RFNG: variants seen among roughly 807,000 people sequenced by gnomAD.
RFNG encodes the protein RFNG O-fucosylpeptide 3-beta-N-acetylglucosaminyltransferase.
RFNG carries 37 observed loss-of-function variants against 29.6 expected under a neutral mutation model. That is an observed-to-expected ratio of 1.25 (90% CI 0.96 to 1.65). The LOEUF is 1.65. Among genes scored for constraint, RFNG ranks in the 40% most tolerant of loss-of-function variants. The pLI is 0.00. For missense variants in RFNG, 546 were observed against 457.0 expected (o/e 1.19, Z -1.78); for synonymous variants, 276 against 197.3 (o/e 1.40, Z -3.34).
rs2144248107 is a variant in RFNG at position 82,051,542 on chromosome 17, C to T, written c.225G>A (p.Leu75=). ...AGATCCAGGTGCGCAGCAGCAGCCG[C>T]AGGCGCGGCCCGTGGTTCTTCCGGG... The part of the protein sequence containing the change: ...KTTRKNHGPR[L]RLLLRTWISR... Residue 75 remains leucine (L), a synonymous_variant, in exon 1 of 8, where the codon CTG becomes CTA. Coordinates refer to ENST00000310496, the MANE Select transcript of RFNG (RefSeq NM_002917.2). The surrounding 1 kb of genome is among the most constrained non-coding windows in gnomAD (Gnocchi z 4.1). 2.1e-6 allele frequency: 3 copies of T among 1,400,048 alleles called. No individual in the cohort carries two copies. Among genetic ancestry groups the T allele is most frequent in the Non-Finnish European group, 2.8e-6 (3 of 1,072,742 alleles). The allele number at this position is 1,400,048 out of a possible 1,614,324, so 86.7% of individuals were successfully genotyped here.
chr17:82,048,568 G>C lies in RFNG; in HGVS notation c.*158C>G. On this transcript the variant is annotated 3_prime_UTR_variant, in exon 8 of 8. Coordinates refer to ENST00000310496, the MANE Select transcript of RFNG (RefSeq NM_002917.2). ...CCATCACCGCAGCCCACCAGGGGCT[G>C]GGAGAGGGGGGGCTGCAGGCTAGCC... 1.5e-6 allele frequency: 1 copy of C among 648,908 alleles called. No homozygotes were observed. The highest frequency in any genetic ancestry group is 1.7e-5 in the South Asian group (1 of 58,420). The allele number at this position is 648,908 out of a possible 1,614,324, so 40.2% of individuals were successfully genotyped here. A position where few individuals can be genotyped will look rare whatever the true frequency, so the allele number is the denominator to read the frequency against.
At chr17:82,050,116 C>T in intron 4 of RFNG, 110 bp from the exon 5 acceptor site, 10 of 1,006,656 alleles carry the variant, frequency 9.9e-6, no homozygotes, top group South Asian at 1.5e-5. Flanking sequence ...AGATCCCACC[C>T]AGGTAACAGA....
At chr17:82,050,578 G>A in intron 3 of RFNG, 23 bp from the exon 4 acceptor site, 1 of 1,609,038 alleles carries the variant, frequency 6.2e-7, no homozygotes, top group Non-Finnish European at 8.5e-7. Flanking sequence ...GGAGTCCTGG[G>A]CACGAGGGCC....
chr17:82,050,045 G>C, intron 4 of RFNG, 39 bp from the exon 5 acceptor site: 3 of 1,528,012 alleles, frequency 2.0e-6, no homozygotes, highest in Non-Finnish European at 2.7e-6. Context: ...CCAGGACAGG[G>C]CTTCTCACCC....
intron 7 of RFNG, 73 bp from the exon 8 acceptor site, chr17:82,048,880 G>C: frequency 6.7e-7 from 1 of 1,485,958 alleles, no homozygotes. Context: ...TGGGCGGCGG[G>C]AGAACCTGGG....
Position 82,050,286 on chromosome 17 carries a change from G to C in RFNG, c.573+116C>G. 7 of 1,257,898 alleles carry C rather than the reference G, an allele frequency of 5.6e-6. No homozygotes were observed. In the South Asian group the frequency reaches 6.0e-5, roughly 11 times the overall value. The allele number at this position is 1,257,898 out of a possible 1,614,324, so 77.9% of individuals were successfully genotyped here. A position where few individuals can be genotyped will look rare whatever the true frequency, so the allele number is the denominator to read the frequency against. On this transcript the variant is annotated intron_variant, in intron 4 of 7. Coordinates refer to ENST00000310496, the MANE Select transcript of RFNG (RefSeq NM_002917.2). ...ACATGCAAACCACCTGGGTGGATCA[G>C]CTTGGGCCCCCAACCCTATGCCCTT...
At position 82,051,418 on chromosome 17, in the gene RFNG, C is replaced by G; in HGVS notation, c.268-76G>C. On this transcript the variant is annotated intron_variant, in intron 1 of 7. Transcript: ENST00000310496. The surrounding 1 kb of genome is among the most constrained non-coding windows in gnomAD (Gnocchi z 4.1). ...ACCGACCCGCCCCGCGCGGAGCCTC[C>G]GGGGGCCTGGGCCGGGCCTAGACCC... The G allele has an allele frequency of 1.4e-6, 2 of 1,391,016 alleles. No homozygotes were observed. Among genetic ancestry groups the G allele is most frequent in the Non-Finnish European group, 1.9e-6 (2 of 1,073,774 alleles). The allele number at this position is 1,391,016 out of a possible 1,614,324, so 86.2% of individuals were successfully genotyped here.
intron 4 of RFNG, 106 bp from the exon 5 acceptor site, chr17:82,050,112 C>A: frequency 9.7e-7 from 1 of 1,028,198 alleles, no homozygotes; most frequent in Non-Finnish European, 1.5e-6. Context: ...TAGGAGATCC[C>A]ACCCAGGTAA....
intron 6 of RFNG, 188 bp from the exon 7 acceptor site, chr17:82,049,304 G>T (rs759723628): frequency 1.4e-6 from 1 of 705,210 alleles, no homozygotes; most frequent in Non-Finnish European, 2.6e-6. Flanking sequence ...GGCAGAGCCT[G>T]GGGGACAGAA....
In RFNG at chr17:82,048,328, C is replaced by T. The variant is rs1407089805; in HGVS notation, c.*398G>A. 4.0e-6 allele frequency: 1 copy of T among 252,502 alleles called. No individual in the cohort carries two copies. Among genetic ancestry groups the T allele is most frequent in the East Asian group, 1.1e-4 (1 of 9,436 alleles). 15.6% of individuals were successfully genotyped at this position (252,502 alleles called of 1,614,324 possible). A position where few individuals can be genotyped will look rare whatever the true frequency, so the allele number is the denominator to read the frequency against. ...AGCCCTTGCAATGGCCGTGGCTGGGCCAGGACCTTGGCCTGGAGCCTGCTC... is the reference window on the plus strand; with the variant it reads ...AGCCCTTGCAATGGCCGTGGCTGGGTCAGGACCTTGGCCTGGAGCCTGCTC... On this transcript the variant is annotated 3_prime_UTR_variant, in exon 8 of 8. Coordinates refer to ENST00000310496, the MANE Select transcript of RFNG (RefSeq NM_002917.2).
At chr17:82,048,860 GC>G in intron 7 of RFNG, 53 bp from the exon 8 acceptor site, 1 of 1,542,760 alleles carries the variant, frequency 6.5e-7, no homozygotes, top group Non-Finnish European at 9.0e-7. Flanking sequence ...AGAAGCGGGG[GC>G]CAGGGCCGTG....
chr17:82,050,598 T>G (rs772803975), intron 3 of RFNG, 43 bp from the exon 4 acceptor site: 5 of 1,608,312 alleles, frequency 3.1e-6, no homozygotes, highest in Non-Finnish European at 4.3e-6. Context: ...CTGGCATGGC[T>G]GGACAGGAGG....
rs772647628 is a variant in RFNG, at chr17:82,049,956, G to A, written c.624C>T (p.Leu208=). The part of the protein sequence containing the change: ...WFATGGAGFC[L]SRGLALKMSP... Reference sequence around the variant, plus strand: ...TCATCTTGAGGGCAAGGCCTCTGCTGAGGCAGAACCCGGCCCCACCAGTAG... The same window carrying A: ...TCATCTTGAGGGCAAGGCCTCTGCTAAGGCAGAACCCGGCCCCACCAGTAG... The change falls in exon 5 of 8, where the codon CTC becomes CTT. Residue 208 remains leucine (L), a synonymous_variant. Transcript: ENST00000310496. The A allele has an allele frequency of 1.2e-5, 19 of 1,612,518 alleles. No homozygotes were observed. The highest frequency in any genetic ancestry group is 5.0e-5 in the Admixed American group (3 of 59,962).
chr17:82,048,717 T>C lies in RFNG; in HGVS notation c.*9A>G. 1.2e-6 allele frequency: 2 copies of C among 1,610,184 alleles called. No individual in the cohort carries two copies. Among genetic ancestry groups the C allele is most frequent in the East Asian group, 4.5e-5 (2 of 44,824 alleles). ...AGAGCCAGGCAGCCCTGGGTCGGGG[T>C]GGTTGGTGTCACCGAGAGGTCGGGG... is the stretch of plus-strand genomic sequence containing the variant. On this transcript the variant is annotated 3_prime_UTR_variant, in exon 8 of 8. Coordinates refer to ENST00000310496, the MANE Select transcript of RFNG (RefSeq NM_002917.2).
intron 5 of RFNG, 31 bp from the exon 6 acceptor site, chr17:82,049,873 T>C: frequency 6.2e-7 from 1 of 1,611,492 alleles, no homozygotes; most frequent in Non-Finnish European, 8.5e-7. Flanking sequence ...ACCTTTCAGG[T>C]CTCAGCCTCC....
Position 82,051,138 on chromosome 17 carries a change from C to T in RFNG, c.316+156G>A. 7.6e-7 allele frequency: 1 copy of T among 1,320,010 alleles called. No individual in the cohort carries two copies. 81.8% of individuals were successfully genotyped at this position (1,320,010 alleles called of 1,614,324 possible). ...GAGCTTGGCTGGCAGGGTGGGCCCT[C>T]CGCAGGCCGCGTGACCTGGGCAGCG... On this transcript the variant is annotated intron_variant, in intron 2 of 7. Transcript: ENST00000310496. The surrounding 1 kb of genome is among the most constrained non-coding windows in gnomAD (Gnocchi z 4.1).
chr17:82,049,760 C>A lies in RFNG; in HGVS notation c.745G>T (p.Gly249Cys), dbSNP rs2030162134. The A allele has an allele frequency of 6.6e-7, 1 of 1,523,524 alleles. No homozygotes were observed. Among genetic ancestry groups the A allele is most frequent in the Non-Finnish European group, 8.8e-7 (1 of 1,138,944 alleles). 94.4% of individuals were successfully genotyped at this position (1,523,524 alleles called of 1,614,324 possible). ...AGGGGGCTGTGCAGCAGGCGGGCGC[C>A]CAGGAGCCCCTCCACGATGTAGCCA... ...TVGYIVEGLL[G>C]ARLLHSPLFH... is the part of the protein sequence containing the mutation. Residue 249 changes from glycine (G) to cysteine (C), a missense_variant, in exon 6 of 8, where the codon GGC (glycine) becomes TGC (cysteine). Coordinates refer to ENST00000310496, the MANE Select transcript of RFNG (RefSeq NM_002917.2).
Position 82,051,196 on chromosome 17 carries a change from A to G in RFNG, c.316+98T>C. 3 of 1,306,776 alleles carry G rather than the reference A, an allele frequency of 2.3e-6. No individual in the cohort carries two copies. The highest frequency in any genetic ancestry group is 1.5e-5 in the African/African-American group (1 of 64,918). The allele number at this position is 1,306,776 out of a possible 1,614,324, so 80.9% of individuals were successfully genotyped here. Reference sequence around the variant, plus strand: ...CTCCCCGGGCCTCGGGAGCCTGGGCAGAGAAAGGCACCCACAGCAGCGAAG... The same window carrying G: ...CTCCCCGGGCCTCGGGAGCCTGGGCGGAGAAAGGCACCCACAGCAGCGAAG... On this transcript the variant is annotated intron_variant, in intron 2 of 7. Transcript: ENST00000310496. This position sits in a 1 kb window ranked among gnomAD's most constrained non-coding sequence, Gnocchi z 4.1.
chr17:82,051,462 G>C lies in RFNG; in HGVS notation c.267+38C>G. ...TAGACCCTGGGAGGCGGGGCGGGTG[G>C]GCGTGGGGCTCGCCGTCGGGGTCGG... is the stretch of plus-strand genomic sequence containing the variant. On this transcript the variant is annotated intron_variant, in intron 1 of 7. Transcript: ENST00000310496. The surrounding 1 kb of genome is among the most constrained non-coding windows in gnomAD (Gnocchi z 4.1). 1 of 1,345,862 alleles carries C rather than the reference G, an allele frequency of 7.4e-7. No homozygotes were observed. Among genetic ancestry groups the C allele is most frequent in the Non-Finnish European group, 9.6e-7 (1 of 1,046,146 alleles). 83.4% of individuals were successfully genotyped at this position (1,345,862 alleles called of 1,614,324 possible).
Sources: gnomAD v4.1 joint callset for allele counts on GRCh38, gnomAD v4.1.1 for gene constraint, Gnocchi (gnomAD v3.1) non-coding constraint, MANE v1.5 for transcripts, NCBI Gene and HGNC (gene_info 2026-07-23, HGNC 2026-07-21) for gene names.